Variants in EIF2AK4 observed in about 807,000 individuals in gnomAD.
The protein encoded by EIF2AK4 is eIF-2-alpha kinase GCN2.
A neutral mutation model predicts 211.1 loss-of-function variants in EIF2AK4; 139 were observed. That is an observed-to-expected ratio of 0.66 (90% CI 0.57 to 0.76). EIF2AK4 has a LOEUF of 0.76. Ranked by LOEUF, EIF2AK4 falls within the 30% of genes least tolerant of loss-of-function variation. The probability of loss-of-function intolerance (pLI) is 0.00; values close to 1 mark genes in which losing one functional copy is unlikely to be tolerated. For synonymous variants in EIF2AK4, 710 were observed against 751.3 expected, an observed-to-expected ratio of 0.94 and a Z score of 0.90; for missense variants, 1,664 against 2,043.8, an observed-to-expected ratio of 0.81 and a Z score of 3.58.
chr15:40,022,690 T>G (rs1370195310), intron 32 of EIF2AK4, 85 bp downstream of exon 32: 1 of 1,215,800 alleles, frequency 8.2e-7, no homozygotes, highest in Non-Finnish European at 1.2e-6. Flanking sequence ...CCGGGCCGTG[T>G]AGGTGACTGG....
At chr15:40,007,925 A>T in intron 24 of EIF2AK4, 102 bp from the exon 25 acceptor site, 1 of 938,422 alleles carries the variant, frequency 1.1e-6, no homozygotes, top group Non-Finnish European at 1.5e-6. Flanking sequence ...ACCACCGATT[A>T]ATTTTTTTTC....
Position 39,967,671 on chromosome 15 carries a change from C to G in EIF2AK4, c.1345C>G (p.Arg449Gly), listed in dbSNP as rs371395483. The G allele has an allele frequency of 1.9e-6, 3 of 1,614,054 alleles. No individual in the cohort carries two copies. The highest frequency in any genetic ancestry group is 2.5e-6 in the Non-Finnish European group (3 of 1,180,038). The stretch of plus-strand genomic sequence containing the variant: ...GATTACGGACTATAGCATTTCTAAG[C>G]GCCTCGCAGACATTTGCAAGGAGGA... ...VKITDYSISKRLADICKEDVF... is the reference protein window; with the variant it reads ...VKITDYSISKGLADICKEDVF... The change falls in exon 9 of 39, where the codon CGC becomes GGC. Residue 449 changes from arginine (R) to glycine (G), a missense_variant. Around this residue, in one of 7 missense-constraint regions of EIF2AK4, gnomAD observed 641 missense variants for 729.6 expected, o/e 0.88. Transcript: ENST00000263791.
At chr15:40,034,983 CA>C in intron 38 of EIF2AK4, 43 bp from the exon 39 acceptor site, 1 of 1,490,422 alleles carries the variant, frequency 6.7e-7, no homozygotes, top group Non-Finnish European at 9.1e-7. Context: ...GTTCTTCACT[CA>C]TTAAACTGAG....
chr15:39,955,045 C>T (rs370669941), intron 5 of EIF2AK4, among the ~76,000 whole-genome samples: 56 of 152,292 alleles, frequency 3.7e-4, no homozygotes, highest in African/African-American at 1.3e-3. Flanking sequence ...ACTAAACCTG[C>T]GTAAAAATGT....
chr15:39,961,990 ACCAGTGCAGT>A, intron 7 of EIF2AK4, 91 bp downstream of exon 7: 1 of 960,174 alleles, frequency 1.0e-6, no homozygotes, highest in Non-Finnish European at 1.6e-6. Context: ...TGTCATTCAG[ACCAGTGCAGT>A]CCAAGGAAGA....
chr15:39,982,355 T>C (rs1363773135), intron 13 of EIF2AK4, among the ~76,000 whole-genome samples: 1 of 152,196 alleles, frequency 6.6e-6, no homozygotes, highest in Non-Finnish European at 1.5e-5. Flanking sequence ...ATTCTGACCT[T>C]CTTAGCCATA....
intron 2 of EIF2AK4, among the ~76,000 whole-genome samples, 188 bp downstream of exon 2, chr15:39,939,805 T>A (rs2034119636): frequency 6.6e-6 from 1 of 152,264 alleles, no homozygotes; most frequent in Admixed American, 6.5e-5. Flanking sequence ...TTAAGCCTGT[T>A]CATAGTTATA....
intron 4 of EIF2AK4, among the ~76,000 whole-genome samples, chr15:39,952,799 G>A (rs1203472993): frequency 1.3e-5 from 2 of 151,988 alleles, no homozygotes; most frequent in African/African-American, 4.8e-5. Flanking sequence ...CTATTTAAGT[G>A]TGTAGCCTAG....
At chr15:39,994,986 C>T (rs748983325) in intron 18 of EIF2AK4, among the ~76,000 whole-genome samples, 7 of 152,058 alleles carry the variant, frequency 4.6e-5, no homozygotes, top group African/African-American at 9.7e-5. Context: ...GGATTACAGA[C>T]GCCTGCCACC....
At chr15:39,937,622 C>A (rs74701095) in intron 1 of EIF2AK4, among the ~76,000 whole-genome samples, 19,645 of 151,806 alleles carry the variant, frequency 0.13, 1,890 homozygotes, top group East Asian at 0.55. Context: ...TTTTCCCCCT[C>A]TGTTCCAATG....
At chr15:40,006,801 C>T (rs543919855) in intron 23 of EIF2AK4, among the ~76,000 whole-genome samples, 1 of 152,154 alleles carries the variant, frequency 6.6e-6, no homozygotes, top group East Asian at 1.9e-4. Context: ...GATGGTATGT[C>T]TAGCAGCGGA....
rs988440271 is a variant in EIF2AK4, at chr15:40,035,135, G to C, written c.*51G>C. ...TTCAAACAGACAGAGGCTTATACTG[G>C]AATAATGGAATGTTGTACATTCATC... On this transcript the variant is annotated 3_prime_UTR_variant, in exon 39 of 39. Transcript: ENST00000263791. The C allele has an allele frequency of 1.5e-6, 2 of 1,293,298 alleles. No individual in the cohort carries two copies. The highest frequency in any genetic ancestry group is 2.1e-6 in the Non-Finnish European group (2 of 943,544). The allele number at this position is 1,293,298 out of a possible 1,614,324, so 80.1% of individuals were successfully genotyped here.
At chr15:39,976,932 C>CCTTT (rs2140918956) in intron 12 of EIF2AK4, 88 bp downstream of exon 12, 1 of 1,364,888 alleles carries the variant, frequency 7.3e-7, no homozygotes, top group Non-Finnish European at 9.6e-7. Flanking sequence ...TCATTTCCTT[C>CCTTT]CTTCCTTCTT....
Position 39,939,552 on chromosome 15 carries a change from A to G in EIF2AK4, c.192A>G (p.Leu64=), listed in dbSNP as rs1400000083. Residue 64 remains leucine, a synonymous_variant, in exon 2 of 39, where the codon CTA becomes CTG. Coordinates refer to ENST00000263791, the MANE Select transcript of EIF2AK4 (RefSeq NM_001013703.4). ...ATTTAGTTTTGTACCCTCAAGGCCT[A>G]ACTGGTGAAGAAGTATATGTAAAAG... ...EINLVLYPQG[L]TGEEVYVKVD... 6.2e-7 allele frequency: 1 copy of G among 1,613,028 alleles called. No homozygotes were observed. Among genetic ancestry groups the G allele is most frequent in the East Asian group, 2.2e-5 (1 of 44,802 alleles).
chr15:40,026,794 C>T (rs1278659137), intron 33 of EIF2AK4, among the ~76,000 whole-genome samples: 1 of 152,168 alleles, frequency 6.6e-6, no homozygotes, highest in Non-Finnish European at 1.5e-5. Flanking sequence ...ATGGGAGTAT[C>T]AACCATATGG....
At chr15:39,967,960 G>T in intron 9 of EIF2AK4, 81 bp downstream of exon 9, 2 of 1,415,906 alleles carry the variant, frequency 1.4e-6, no homozygotes, top group Non-Finnish European at 1.9e-6. Flanking sequence ...ACATCTAAGT[G>T]ATGTGGAAGC....
At chr15:39,963,653 A>G (rs1200945204) in intron 7 of EIF2AK4, among the ~76,000 whole-genome samples, 1 of 152,228 alleles carries the variant, frequency 6.6e-6, no homozygotes, top group African/African-American at 2.4e-5. Context: ...ACTTATAGAT[A>G]TGACTATAGC....
At chr15:39,949,824 T>C (rs912332159) in intron 4 of EIF2AK4, among the ~76,000 whole-genome samples, 2 of 152,172 alleles carry the variant, frequency 1.3e-5, no homozygotes, top group South Asian at 4.1e-4. Context: ...TATAAACTCC[T>C]GTTTATATCC....
intron 9 of EIF2AK4, among the ~76,000 whole-genome samples, chr15:39,970,649 C>T (rs1429968038): frequency 6.6e-6 from 1 of 151,914 alleles, no homozygotes; most frequent in African/African-American, 2.4e-5. Context: ...AAAAACAATA[C>T]TATTTTGTTT....
Sources: gnomAD v4.1 joint callset for allele counts (sites outside exome capture counted in the v4.1 genomes callset) on GRCh38, gnomAD v4.1.1 for gene constraint, gnomAD v4.1.1 regional missense constraint, MANE v1.5 for transcripts, NCBI Gene and HGNC (gene_info 2026-07-23, HGNC 2026-07-21) for gene names.